Variants in FRMD6 observed in about 807,000 individuals in gnomAD.
FRMD6 encodes FERM domain-containing protein 6.
Under a neutral mutation model 73.2 loss-of-function variants are expected in FRMD6, and 37 were observed. The ratio of observed to expected loss-of-function variants is 0.51; its 90% CI spans 0.39 to 0.66. FRMD6 has a LOEUF of 0.66. FRMD6 is among the 30% of genes least tolerant of loss of function. The pLI is 0.00. For synonymous variants in FRMD6, 273 were observed against 282.2 expected (o/e 0.97, Z 0.33); for missense variants, 714 against 780.5 (o/e 0.91, Z 1.02).
At chr14:51,712,441 A>G (rs368047358) in intron 8 of FRMD6, 42 bp from the exon 9 acceptor site, 38 of 1,224,128 alleles carry the variant, frequency 3.1e-5, no homozygotes, top group Middle Eastern at 1.9e-4. Flanking sequence ...TACAGTATCT[A>G]TCATTTTTCC....
At position 51,529,075 on chromosome 14, in the gene FRMD6, C is replaced by G. The variant is rs188476092; in HGVS notation, c.-210+39655C>G. 2.7e-4 allele frequency among the ~76,000 whole-genome samples: 41 copies of G among 152,296 alleles called. No homozygotes were observed. The East Asian group carries it at 7.7e-3, about 29-fold the overall frequency. The stretch of plus-strand genomic sequence containing the variant: ...AAGGCACACAAGATGAATAGTTGGT[C>G]TTGGGGGACATGCTGACAGAACAGC... On this transcript the variant is annotated intron_variant, in intron 1 of 14. Coordinates refer to the FRMD6 transcript ENST00000356218.
chr14:51,582,647 T>C (rs1289280007), intron 2 of FRMD6, among the ~76,000 whole-genome samples: 1 of 152,168 alleles, frequency 6.6e-6, no homozygotes, highest in Admixed American at 6.5e-5. Flanking sequence ...AACATAATGG[T>C]CATCTCACTG....
intron 1 of FRMD6, among the ~76,000 whole-genome samples, chr14:51,502,436 C>T (rs1038752400): frequency 2.2e-4 from 33 of 152,168 alleles, no homozygotes; most frequent in Non-Finnish European, 1.0e-4. Flanking sequence ...GCTCTCCCAG[C>T]ACCATTCATT....
chr14:51,712,583 G>A (rs879460490), intron 9 of FRMD6, 32 bp downstream of exon 9: 1 of 1,372,196 alleles, frequency 7.3e-7, no homozygotes, highest in African/African-American at 1.4e-5. Flanking sequence ...TAAAAGAAAA[G>A]TCTCATTAAT....
At chr14:51,568,502 C>T (rs939733801) in intron 1 of FRMD6, among the ~76,000 whole-genome samples, 2 of 152,176 alleles carry the variant, frequency 1.3e-5, no homozygotes, top group African/African-American at 4.8e-5. Context: ...TAAGAAATGG[C>T]GAACACTGCA....
chr14:51,514,569 C>T (rs954163919), intron 1 of FRMD6, among the ~76,000 whole-genome samples: 63 of 152,152 alleles, frequency 4.1e-4, no homozygotes, highest in African/African-American at 1.4e-3. Flanking sequence ...ACAATTGGGC[C>T]AGGTGCCGTG....
At chr14:51,721,507 G>A (rs1897563515) in intron 11 of FRMD6, among the ~76,000 whole-genome samples, 1 of 152,176 alleles carries the variant, frequency 6.6e-6, no homozygotes, top group African/African-American at 2.4e-5. Context: ...CTACTCGGGA[G>A]GCTGAGGCAG....
intron 2 of FRMD6, among the ~76,000 whole-genome samples, chr14:51,624,241 C>G (rs1451101351): frequency 1.3e-5 from 2 of 151,982 alleles, no homozygotes; most frequent in Non-Finnish European, 2.9e-5. Flanking sequence ...CAAAATGAAC[C>G]CCCTTTACAA....
chr14:51,444,245 CAG>C, the FRMD6 span, among the ~76,000 whole-genome samples: 1 of 152,204 alleles, frequency 6.6e-6, no homozygotes, highest in Admixed American at 6.5e-5. Context: ...TTTTATCTAA[CAG>C]AGTAAGTTTT....
chr14:51,419,810 C>T, the FRMD6 span, among the ~76,000 whole-genome samples: 1 of 152,210 alleles, frequency 6.6e-6, no homozygotes, highest in Non-Finnish European at 1.5e-5. Context: ...TGAGTTCCTT[C>T]TCTTGTTAGG....
At chr14:51,599,056 G>GTTTTTTT (rs778270230) in intron 2 of FRMD6, among the ~76,000 whole-genome samples, 1 of 69,564 alleles carries the variant, frequency 1.4e-5, no homozygotes, top group African/African-American at 6.8e-5. Context: ...GCCAGTATCT[G>GTTTTTTT]TCTTTTTTTT....
rs139993086 is a variant in FRMD6, at chr14:51,528,619, G to C, written c.-210+39199G>C. The stretch of plus-strand genomic sequence containing the variant: ...TGTCATTTATATATTGGGTTTCCAT[G>C]TGAGATTGCATTGGGGAAAGAGGGT... On this transcript the variant is annotated intron_variant, in intron 1 of 14. Coordinates refer to the FRMD6 transcript ENST00000356218. 4.8e-3 allele frequency among the ~76,000 whole-genome samples: 738 copies of C among 152,220 alleles called. 2 individuals are homozygous for C. The highest frequency in any genetic ancestry group is 0.016 in the African/African-American group (685 of 41,544).
At chr14:51,503,865 G>T (rs979974766) in intron 1 of FRMD6, among the ~76,000 whole-genome samples, 4 of 146,812 alleles carry the variant, frequency 2.7e-5, no homozygotes, top group East Asian at 2.0e-4. Flanking sequence ...GTTTTTTTTT[G>T]GGGGGGGGTT....
chr14:51,442,435 C>T, the FRMD6 span, among the ~76,000 whole-genome samples: 1 of 152,040 alleles, frequency 6.6e-6, no homozygotes, highest in Non-Finnish European at 1.5e-5. Flanking sequence ...AGTAATTGCC[C>T]AGTGATAGTG....
At chr14:51,465,110 A>G in the FRMD6 span, among the ~76,000 whole-genome samples, 1 of 152,220 alleles carries the variant, frequency 6.6e-6, no homozygotes, top group Non-Finnish European at 1.5e-5. Context: ...AGATAATGCA[A>G]GGGACAGGTG....
chr14:51,678,539 T>A (rs899995657), intron 1 of FRMD6, among the ~76,000 whole-genome samples: 1 of 152,134 alleles, frequency 6.6e-6, no homozygotes, highest in African/African-American at 2.4e-5. Flanking sequence ...GGGGGAAAAG[T>A]GTGTCGTAAA....
At chr14:51,459,788 A>C in the FRMD6 span, among the ~76,000 whole-genome samples, 22 of 134,486 alleles carry the variant, frequency 1.6e-4, no homozygotes, top group Admixed American at 2.5e-4. Context: ...GATCATGCCA[A>C]GGCACTCCAG....
chr14:51,525,003 T>C (rs1885150802), intron 1 of FRMD6, among the ~76,000 whole-genome samples: 1 of 121,748 alleles, frequency 8.2e-6, no homozygotes, highest in Non-Finnish European at 1.6e-5. Flanking sequence ...CAATCCAGGA[T>C]TGTGTGTTGG....
At chr14:51,418,933 G>T in the FRMD6 span, among the ~76,000 whole-genome samples, 1 of 152,212 alleles carries the variant, frequency 6.6e-6, no homozygotes, top group African/African-American at 2.4e-5. Flanking sequence ...GTTGATCTCA[G>T]ACTGCTGCGC....
Sources: allele counts gnomAD v4.1 joint callset (sites outside exome capture counted in the v4.1 genomes callset), GRCh38; gene constraint gnomAD v4.1.1; transcripts MANE v1.5; gene names NCBI Gene and HGNC (gene_info 2026-07-23, HGNC 2026-07-21).